Variants in SEMA3D observed in about 807,000 individuals in gnomAD.
SEMA3D encodes the protein semaphorin-3D.
Under a neutral mutation model 100.1 loss-of-function variants are expected in SEMA3D, and 84 were observed. The ratio of observed to expected loss-of-function variants is 0.84; its 90% CI spans 0.70 to 1.01. The LOEUF is 1.01. SEMA3D is among the 50% of genes least tolerant of loss of function. SEMA3D has a pLI of 0.00. For missense variants in SEMA3D, 875 were observed against 934.1 expected, an observed-to-expected ratio of 0.94 and a Z score of 0.82; for synonymous variants, 312 against 320.7, an observed-to-expected ratio of 0.97 and a Z score of 0.29.
rs34138570 is a variant in SEMA3D, at chr7:84,999,747, A to G, written c.2027T>C (p.Ile676Thr). 1.3e-3 allele frequency: 2,018 copies of G among 1,613,904 alleles called. 5 individuals carry two copies. Among genetic ancestry groups the G allele is most frequent in the Non-Finnish European group, 1.6e-3 (1,868 of 1,180,020 alleles). The change falls in exon 19 of 19, where the codon ATA (isoleucine) becomes ACA (threonine). Residue 676 changes from isoleucine to threonine, a missense_variant. Coordinates refer to ENST00000284136, the MANE Select transcript of SEMA3D (RefSeq NM_001384900.1). ...AATGACATTCAAAGTCAGCTTCACT[A>G]TGGTGTGGATGAAAGTGTGCTCCTG... ...KAQEHTFIHT[I>T]VKLTLNVIEN...
intron 8 of SEMA3D, among the ~76,000 whole-genome samples, chr7:85,060,351 A>T (rs1791438127): frequency 6.6e-6 from 1 of 152,190 alleles, no homozygotes; most frequent in African/African-American, 2.4e-5. Flanking sequence ...GATTCTGTTG[A>T]GGTCCGGTCT....
At chr7:85,143,043 T>C (rs1790102521) in intron 2 of SEMA3D, 1 of 940,418 alleles carries the variant, frequency 1.1e-6, no homozygotes, top group Non-Finnish European at 1.3e-6. Flanking sequence ...TTACTCATAA[T>C]GCAATAATTA....
At chr7:85,115,405 T>A (rs1343331348) in intron 3 of SEMA3D, among the ~76,000 whole-genome samples, 1 of 152,226 alleles carries the variant, frequency 6.6e-6, no homozygotes, top group Non-Finnish European at 1.5e-5. Context: ...TTGCTCAATA[T>A]GAATCTTCAG....
the SEMA3D span, among the ~76,000 whole-genome samples, chr7:85,233,776 T>C: frequency 6.6e-6 from 1 of 152,202 alleles, no homozygotes; most frequent in Non-Finnish European, 1.5e-5. Context: ...TAATAGAAGC[T>C]TCTCCTACAA....
chr7:85,089,763 C>A (rs979489100), intron 4 of SEMA3D, among the ~76,000 whole-genome samples: 2 of 151,996 alleles, frequency 1.3e-5, no homozygotes, highest in Non-Finnish European at 2.9e-5. Context: ...TGGTGACAAG[C>A]ACCTGTAGTC....
chr7:85,036,242 A>C (rs1244252269), intron 12 of SEMA3D, among the ~76,000 whole-genome samples: 3 of 152,110 alleles, frequency 2.0e-5, no homozygotes, highest in Non-Finnish European at 1.5e-5. Flanking sequence ...CTTAAAATGC[A>C]TGTAACAGCA....
At chr7:85,058,506 G>T (rs922527948) in intron 8 of SEMA3D, among the ~76,000 whole-genome samples, 5 of 151,934 alleles carry the variant, frequency 3.3e-5, no homozygotes, top group Non-Finnish European at 5.9e-5. Flanking sequence ...CCAGCACTTT[G>T]GGAGGCCGAG....
chr7:85,239,737 C>G, the SEMA3D span, among the ~76,000 whole-genome samples: 1 of 152,160 alleles, frequency 6.6e-6, no homozygotes, highest in South Asian at 2.1e-4. Context: ...CAGTTGTAGT[C>G]GATAGCTACT....
intron 4 of SEMA3D, among the ~76,000 whole-genome samples, chr7:85,086,222 T>C (rs1378792989): frequency 6.6e-6 from 1 of 152,148 alleles, no homozygotes; most frequent in Non-Finnish European, 1.5e-5. Flanking sequence ...TCTAAACATT[T>C]ACTTAGAAGG....
chr7:85,012,712 TA>T (rs1789989316), intron 17 of SEMA3D, 69 bp downstream of exon 17: 1 of 1,164,974 alleles, frequency 8.6e-7, no homozygotes, highest in African/African-American at 1.5e-5. Context: ...TTAAGTCATA[TA>T]ATAAAAAGAT....
chr7:85,240,205 G>A, the SEMA3D span, among the ~76,000 whole-genome samples: 1 of 152,060 alleles, frequency 6.6e-6, no homozygotes, highest in Admixed American at 6.6e-5. Context: ...TTTGCTGAGG[G>A]TGAGTGTTAG....
chr7:85,141,645 A>T (rs2116462880), intron 2 of SEMA3D: 1 of 984,214 alleles, frequency 1.0e-6, no homozygotes, highest in South Asian at 4.7e-5. Context: ...CCATCAGAGC[A>T]AATCTAAATA....
In SEMA3D at chr7:85,018,288, T is replaced by C; in HGVS notation, c.1509A>G (p.Ser503=). 1.3e-6 allele frequency: 2 copies of C among 1,589,178 alleles called. No homozygotes were observed. Among genetic ancestry groups the C allele is most frequent in the African/African-American group, 1.3e-5 (1 of 74,396 alleles). Residue 503 remains serine (S), a synonymous_variant, in exon 15 of 19, where the codon TCA becomes TCG. Coordinates refer to ENST00000284136, the MANE Select transcript of SEMA3D (RefSeq NM_001384900.1). ...ACAATTCCATGTTCAAGATGATTGA[T>C]GAGTGCTGAAAATAGAAGTTAAATG... The part of the protein sequence containing the change: ...VLEELQIFKH[S]SIILNMELSL...
chr7:85,125,672 T>C (rs998252882), intron 2 of SEMA3D, among the ~76,000 whole-genome samples: 4 of 152,112 alleles, frequency 2.6e-5, no homozygotes, highest in Non-Finnish European at 5.9e-5. Context: ...TCTTTGTTTT[T>C]CTTCCCAACA....
At chr7:85,049,752 C>G (rs1791108243) in intron 9 of SEMA3D, among the ~76,000 whole-genome samples, 1 of 151,572 alleles carries the variant, frequency 6.6e-6, no homozygotes, top group Non-Finnish European at 1.5e-5. Context: ...CCAAATAGGA[C>G]CATATATCAA....
chr7:85,098,384 T>C (rs1250781076), intron 3 of SEMA3D, among the ~76,000 whole-genome samples: 6 of 151,910 alleles, frequency 3.9e-5, no homozygotes, highest in African/African-American at 1.4e-4. Flanking sequence ...TGTGTTCACA[T>C]TCTTAAATTA....
At chr7:85,067,246 G>T (rs2116155894) in intron 7 of SEMA3D, among the ~76,000 whole-genome samples, 1 of 152,202 alleles carries the variant, frequency 6.6e-6, no homozygotes, top group South Asian at 2.1e-4. Flanking sequence ...ATTACTTGGA[G>T]ATTCATCAGG....
chr7:85,053,252 A>C (rs924873260), intron 9 of SEMA3D, among the ~76,000 whole-genome samples: 1 of 151,868 alleles, frequency 6.6e-6, no homozygotes, highest in African/African-American at 2.4e-5. Flanking sequence ...TACACAGTTT[A>C]CTCTTAGTTT....
At chr7:85,055,645 C>CATATAT (rs56131427) in intron 9 of SEMA3D, 72 bp downstream of exon 9, 1,925 of 159,480 alleles carry the variant, frequency 0.012, 32 homozygotes, top group East Asian at 0.023. Context: ...TTTTCATATA[C>CATATAT]ATATATATAT....
Sources: allele counts gnomAD v4.1 joint callset (sites outside exome capture counted in the v4.1 genomes callset), GRCh38; gene constraint gnomAD v4.1.1; transcripts MANE v1.5; gene names NCBI Gene and HGNC (gene_info 2026-07-23, HGNC 2026-07-21).